Variants in PTCD2 observed in about 807,000 individuals in gnomAD.
PTCD2 encodes the protein pentatricopeptide repeat-containing protein 2, mitochondrial.
PTCD2 carries 31 observed loss-of-function variants against 42.6 expected under a neutral mutation model. The observed-to-expected ratio is 0.73, with a 90% confidence interval of 0.55 to 0.98. The LOEUF is 0.98. PTCD2 is among the 50% of genes least tolerant of loss of function. PTCD2 has a pLI of 0.00. For synonymous variants in PTCD2, 183 were observed against 170.9 expected (o/e 1.07, Z -0.55); for missense variants, 476 against 454.8 (o/e 1.05, Z -0.42).
intron 7 of PTCD2, among the ~76,000 whole-genome samples, chr5:72,340,535 T>C (rs1221302452): frequency 6.6e-6 from 1 of 152,230 alleles, no homozygotes; most frequent in East Asian, 1.9e-4. Context: ...ACTATAGCCA[T>C]ACTCCCAACT....
At chr5:72,357,339 C>T (rs1410533599) in intron 9 of PTCD2, among the ~76,000 whole-genome samples, 1 of 152,192 alleles carries the variant, frequency 6.6e-6, no homozygotes, top group Non-Finnish European at 1.5e-5. Flanking sequence ...TAAGTCCTTT[C>T]AGTGTAAACT....
chr5:72,323,024 C>T (rs1433132274), intron 2 of PTCD2, among the ~76,000 whole-genome samples: 1 of 152,018 alleles, frequency 6.6e-6, no homozygotes, highest in East Asian at 1.9e-4. Flanking sequence ...GTGGTGCATG[C>T]CTGTAGTCAC....
chr5:72,342,026 C>T (rs1313770238), intron 7 of PTCD2, among the ~76,000 whole-genome samples: 1 of 151,768 alleles, frequency 6.6e-6, no homozygotes, highest in Non-Finnish European at 1.5e-5. Context: ...GCCTGGGCAA[C>T]AGAGCGAGAC....
intron 8 of PTCD2, among the ~76,000 whole-genome samples, chr5:72,348,963 C>A (rs1752490609): frequency 6.6e-6 from 1 of 152,268 alleles, no homozygotes; most frequent in Non-Finnish European, 1.5e-5. Flanking sequence ...TCATTTCTCA[C>A]AAATTCCTTC....
intron 3 of PTCD2, among the ~76,000 whole-genome samples, chr5:72,330,081 C>T (rs10942265): frequency 0.063 from 9,573 of 151,464 alleles, 568 homozygotes; most frequent in African/African-American, 0.16. Context: ...TACAGGCGCC[C>T]GCCACCACGC....
chr5:72,357,229 G>A (rs1307546147), intron 9 of PTCD2, among the ~76,000 whole-genome samples: 1 of 152,078 alleles, frequency 6.6e-6, no homozygotes, highest in African/African-American at 2.4e-5. Context: ...TCGCCTCCCT[G>A]TCTTCTCTAT....
intron 8 of PTCD2, among the ~76,000 whole-genome samples, chr5:72,345,293 A>C (rs7730260): frequency 0.17 from 26,593 of 152,244 alleles, 6,193 homozygotes; most frequent in African/African-American, 0.54. Flanking sequence ...CACCAGCAGT[A>C]AGAGTTCAAG....
At chr5:72,357,249 A>G (rs1415061196) in intron 9 of PTCD2, among the ~76,000 whole-genome samples, 1 of 152,182 alleles carries the variant, frequency 6.6e-6, no homozygotes, top group African/African-American at 2.4e-5. Context: ...TCAGGAAATG[A>G]TAGCACCCAT....
At chr5:72,324,791 C>G (rs928438254) in intron 2 of PTCD2, among the ~76,000 whole-genome samples, 4 of 152,148 alleles carry the variant, frequency 2.6e-5, no homozygotes, top group African/African-American at 4.8e-5. Context: ...AGGGCAGGAA[C>G]TATTCCTTAC....
intron 7 of PTCD2, among the ~76,000 whole-genome samples, chr5:72,341,769 G>T (rs979391761): frequency 6.6e-6 from 1 of 151,622 alleles, no homozygotes; most frequent in Non-Finnish European, 1.5e-5. Flanking sequence ...CTGGCCAGGT[G>T]CAGTGGCTAA....
At chr5:72,321,993 G>A (rs1210404828) in intron 1 of PTCD2, among the ~76,000 whole-genome samples, 179 bp from the exon 2 acceptor site, 1 of 152,000 alleles carries the variant, frequency 6.6e-6, no homozygotes, top group African/African-American at 2.4e-5. Context: ...TGCATTCTCT[G>A]GTAGTTCAGA....
chr5:72,344,666 C>G (rs542045028), intron 8 of PTCD2, among the ~76,000 whole-genome samples: 3 of 152,240 alleles, frequency 2.0e-5, no homozygotes, highest in South Asian at 4.1e-4. Flanking sequence ...AGGTTCTTTT[C>G]TATTTTCCCT....
chr5:72,358,440 T>G lies in PTCD2; in HGVS notation c.*13T>G. ...GTTGGCTGAGTAACCCTGGTTTCAG[T>G]CCACCTATGGATCTGAGGGGCCTGC... On this transcript the variant is annotated 3_prime_UTR_variant, in exon 10 of 10. Transcript: ENST00000380639. The G allele has an allele frequency of 1.3e-6, 2 of 1,596,726 alleles. No individual in the cohort carries two copies. The highest frequency in any genetic ancestry group is 1.7e-6 in the Non-Finnish European group (2 of 1,165,976).
intron 7 of PTCD2, among the ~76,000 whole-genome samples, chr5:72,340,957 C>A (rs1752022467): frequency 1.6e-5 from 2 of 128,676 alleles, no homozygotes; most frequent in African/African-American, 3.3e-5. Context: ...CAGTTATTTT[C>A]TTTTCTTTTC....
At chr5:72,320,545 G>T in intron 1 of PTCD2, 36 bp downstream of exon 1, 9 of 1,611,646 alleles carry the variant, frequency 5.6e-6, no homozygotes, top group Non-Finnish European at 6.8e-6. Context: ...GGAGGGGAGG[G>T]ATGGGAGAGA....
chr5:72,335,787 T>C lies in PTCD2; in HGVS notation c.548-7T>C, dbSNP rs1254867276. 1 of 1,605,190 alleles carries C rather than the reference T, an allele frequency of 6.2e-7. No individual in the cohort carries two copies. Among genetic ancestry groups the C allele is most frequent in the African/African-American group, 1.3e-5 (1 of 74,772 alleles). ...TAACACTGCGATCCACTCTTCACTT[T>C]TGGCAGGTGCTTTGCAAGTATTGAT... On this transcript the variant is annotated splice_polypyrimidine_tract_variant and splice_region_variant and intron_variant, in intron 5 of 9. Transcript: ENST00000380639.
At chr5:72,358,090 C>A in intron 9 of PTCD2, 113 bp from the exon 10 acceptor site, 1 of 957,210 alleles carries the variant, frequency 1.0e-6, no homozygotes, top group Non-Finnish European at 1.6e-6. Flanking sequence ...TGGGCCACCT[C>A]GCCTGGCCTA....
intron 9 of PTCD2, among the ~76,000 whole-genome samples, chr5:72,355,718 A>G (rs947022945): frequency 6.6e-6 from 1 of 152,234 alleles, no homozygotes; most frequent in South Asian, 2.1e-4. Context: ...CATGTAACTT[A>G]AGGTGAAAAA....
At chr5:72,335,204 C>T in intron 5 of PTCD2, 108 bp downstream of exon 5, 1 of 620,188 alleles carries the variant, frequency 1.6e-6, no homozygotes, top group South Asian at 1.8e-5. Context: ...AATCCCAGCA[C>T]TTTGGGAGGC....
Sources: gnomAD v4.1 joint callset for allele counts (sites outside exome capture counted in the v4.1 genomes callset) on GRCh38, gnomAD v4.1.1 for gene constraint, MANE v1.5 for transcripts, NCBI Gene and HGNC (gene_info 2026-07-23, HGNC 2026-07-21) for gene names.